Variants in PDZD2 observed in about 807,000 individuals in gnomAD.
The protein encoded by PDZD2 is PDZ domain-containing protein 2.
A neutral mutation model predicts 220.7 loss-of-function variants in PDZD2; 90 were observed. The ratio of observed to expected loss-of-function variants is 0.41; its 90% confidence interval spans 0.34 to 0.49. PDZD2 has a LOEUF of 0.49. Ranked by LOEUF, PDZD2 falls within the 20% of genes least tolerant of loss-of-function variation. The pLI, the probability that PDZD2 is intolerant of heterozygous loss-of-function variation, is 0.28. For synonymous variants in PDZD2, 1,375 were observed against 1,450.5 expected, an observed-to-expected ratio of 0.95 and a Z score of 1.18; for missense variants, 3,174 against 3,608.5, an observed-to-expected ratio of 0.88 and a Z score of 3.08.
chr5:32,057,749 C>A, intron 11 of PDZD2, 21 bp downstream of exon 11: 3 of 1,486,968 alleles, frequency 2.0e-6, no homozygotes, highest in African/African-American at 1.4e-5. Context: ...TCTTATTGAT[C>A]TCCTTTATCC....
At chr5:31,839,106 A>G (rs1757116997) in intron 2 of PDZD2, among the ~76,000 whole-genome samples, 1 of 152,324 alleles carries the variant, frequency 6.6e-6, no homozygotes, top group South Asian at 2.1e-4. Flanking sequence ...TGTTAACTGC[A>G]GAAAGACAGG....
intron 14 of PDZD2, among the ~76,000 whole-genome samples, chr5:32,064,166 G>A (rs1483267981): frequency 6.6e-6 from 1 of 151,956 alleles, no homozygotes; most frequent in Non-Finnish European, 1.5e-5. Context: ...ACTTCAGCAA[G>A]CTCAACTCAA....
Position 32,101,127 on chromosome 5 carries a change from T to A in PDZD2, c.8241T>A (p.Asp2747Glu), listed in dbSNP as rs139638790. The change falls in exon 24 of 25, where the codon GAT (aspartate) becomes GAA (glutamate). Residue 2747 changes from aspartate (D) to glutamate (E), a missense_variant. Around this residue, in one of 4 missense-constraint regions of PDZD2, gnomAD observed 631 missense variants for 789.9 expected, o/e 0.80. Coordinates refer to ENST00000438447, the MANE Select transcript of PDZD2 (RefSeq NM_178140.4). ...CAGGGAGAAGTGTGGCTGTACACGA[T>A]GCTCTGTGTGTTGAAGTGCTGAAGA... ...PGIGRSVAVH[D>E]ALCVEVLKTS... 1.4e-5 allele frequency: 22 copies of A among 1,614,046 alleles called. No homozygotes were observed. Among genetic ancestry groups the A allele is most frequent in the Non-Finnish European group, 1.9e-5 (22 of 1,179,918 alleles).
chr5:31,732,952 C>T (rs1257264773), intron 1 of PDZD2, among the ~76,000 whole-genome samples: 1 of 152,230 alleles, frequency 6.6e-6, no homozygotes, highest in African/African-American at 2.4e-5. Context: ...TGATCTTGAA[C>T]TTCTGACCTC....
At chr5:31,876,171 TTG>T (rs1248599191) in intron 2 of PDZD2, among the ~76,000 whole-genome samples, 1 of 152,196 alleles carries the variant, frequency 6.6e-6, no homozygotes, top group Non-Finnish European at 1.5e-5. Context: ...TCTTTTAGAC[TTG>T]TGTCTATGTA....
At chr5:31,879,678 C>T (rs1739684273) in intron 2 of PDZD2, among the ~76,000 whole-genome samples, 1 of 152,050 alleles carries the variant, frequency 6.6e-6, no homozygotes, top group African/African-American at 2.4e-5. Flanking sequence ...GTGCAGCAGC[C>T]TTCAGAGATT....
At chr5:31,829,342 T>G (rs1444442011) in intron 2 of PDZD2, among the ~76,000 whole-genome samples, 5 of 151,872 alleles carry the variant, frequency 3.3e-5, no homozygotes, top group African/African-American at 1.2e-4. Context: ...AATTTTTTTT[T>G]TTTTTGAGAC....
At chr5:31,998,878 G>A (rs1484567367) in intron 4 of PDZD2, among the ~76,000 whole-genome samples, 1 of 152,244 alleles carries the variant, frequency 6.6e-6, no homozygotes, top group Non-Finnish European at 1.5e-5. Context: ...TCCGAGGCTC[G>A]AGGTCCCTCT....
chr5:31,840,500 T>C (rs4451061), intron 2 of PDZD2: 225,493 of 341,034 alleles, frequency 0.66, 78,870 homozygotes, highest in African/African-American at 0.91. Flanking sequence ...TATTTTGCCA[T>C]GAATTCATAG....
At chr5:31,950,750 T>C (rs1747107885) in intron 2 of PDZD2, among the ~76,000 whole-genome samples, 1 of 152,198 alleles carries the variant, frequency 6.6e-6, no homozygotes, top group African/African-American at 2.4e-5. Context: ...CCCTTGAAAG[T>C]ATCCCCCATA....
chr5:32,034,096 CCTGGGG>C (rs1755336374), intron 6 of PDZD2, among the ~76,000 whole-genome samples: 1 of 152,062 alleles, frequency 6.6e-6, no homozygotes, highest in African/African-American at 2.4e-5. Context: ...CCTATGAAAA[CCTGGGG>C]CTGTGTTGGG....
At chr5:31,974,708 A>G (rs1749593188) in intron 2 of PDZD2, among the ~76,000 whole-genome samples, 1 of 152,192 alleles carries the variant, frequency 6.6e-6, no homozygotes, top group South Asian at 2.1e-4. Context: ...TCAGGGCAGT[A>G]TGGACCTCTG....
chr5:32,096,538 C>T (rs1378726320), intron 21 of PDZD2, among the ~76,000 whole-genome samples: 5 of 152,182 alleles, frequency 3.3e-5, no homozygotes, highest in African/African-American at 1.2e-4. Flanking sequence ...AGGCTGGTCT[C>T]GAACTCCTGA....
intron 2 of PDZD2, among the ~76,000 whole-genome samples, chr5:31,953,910 A>G (rs554959668): frequency 7.0e-4 from 106 of 152,150 alleles, no homozygotes; most frequent in African/African-American, 2.4e-3. Flanking sequence ...CGGCCTCCCA[A>G]AGTGCTGGGA....
chr5:31,754,732 G>T (rs1225349224), intron 1 of PDZD2: 1 of 152,158 alleles, frequency 6.6e-6, no homozygotes, highest in African/African-American at 2.4e-5. Context: ...AAAGATCTGT[G>T]TATACTTAGA....
At chr5:31,814,544 C>T (rs1293646479) in intron 2 of PDZD2, among the ~76,000 whole-genome samples, 1 of 152,112 alleles carries the variant, frequency 6.6e-6, no homozygotes, top group East Asian at 1.9e-4. Flanking sequence ...GGAATTAGCC[C>T]TGGTGTCGTG....
At chr5:31,783,103 T>G (rs1239170779) in intron 1 of PDZD2, among the ~76,000 whole-genome samples, 1 of 152,186 alleles carries the variant, frequency 6.6e-6, no homozygotes, top group East Asian at 1.9e-4. Context: ...TTAAACTTTA[T>G]TTTAGATAAA....
chr5:32,041,235 G>A (rs1436892644), intron 7 of PDZD2, among the ~76,000 whole-genome samples: 5 of 116,808 alleles, frequency 4.3e-5, no homozygotes, highest in Non-Finnish European at 9.0e-5. Flanking sequence ...CTGCCCGGCC[G>A]CCCATCGTCT....
chr5:31,656,314 GCTGGCAGCCTCCCCCGGA>G (rs769905063), intron 1 of PDZD2, among the ~76,000 whole-genome samples: 1 of 152,146 alleles, frequency 6.6e-6, no homozygotes, highest in Non-Finnish European at 1.5e-5. Context: ...GCCTTCCCTG[GCTGGCAGCCTCCCCCGGA>G]ACACCTGGCA....
Sources: gnomAD v4.1 joint callset for allele counts (sites outside exome capture counted in the v4.1 genomes callset) on GRCh38, gnomAD v4.1.1 for gene constraint, gnomAD v4.1.1 regional missense constraint, MANE v1.5 for transcripts, NCBI Gene and HGNC (gene_info 2026-07-23, HGNC 2026-07-21) for gene names.